Variants in SHROOM4 observed in about 807,000 individuals in gnomAD.
The protein encoded by SHROOM4 is protein Shroom4.
In SHROOM4, 17 loss-of-function variants were observed where a neutral mutation model predicts 80.3. That is an observed-to-expected ratio of 0.21 (90% CI 0.14 to 0.32). The LOEUF (loss-of-function observed/expected upper bound fraction) is 0.32. Ranked by LOEUF, SHROOM4 falls within the 10% of genes least tolerant of loss-of-function variation. The pLI, the probability that SHROOM4 is intolerant of heterozygous loss-of-function variation, is 1.00. For synonymous variants in SHROOM4, 400 were observed against 437.5 expected (o/e 0.91, Z 1.07); for missense variants, 993 against 1,140.3 (o/e 0.87, Z 1.86).
At chrX:50,812,196 T>C (rs1282578437) in intron 1 of SHROOM4, among the ~76,000 whole-genome samples, 1 of 107,060 alleles carries the variant, frequency 9.3e-6, no homozygotes, top group Non-Finnish European at 1.9e-5. Flanking sequence ...AACTGCCAGA[T>C]CATGGAGGGC....
chrX:50,608,935 G>A (rs1376335784), intron 5 of SHROOM4, among the ~76,000 whole-genome samples: 1 of 111,450 alleles, frequency 9.0e-6, no homozygotes, highest in Admixed American at 9.5e-5. Context: ...CACCACACAG[G>A]TCATTCATAG....
At chrX:50,703,157 A>G (rs782136796) in intron 1 of SHROOM4, among the ~76,000 whole-genome samples, 1 of 111,877 alleles carries the variant, frequency 8.9e-6, no homozygotes, top group African/African-American at 3.3e-5. Flanking sequence ...AAAAATGAAA[A>G]TAAAGAACAA....
chrX:50,723,393 G>GAGAGA (rs1569548121), intron 1 of SHROOM4, among the ~76,000 whole-genome samples: 2 of 54,481 alleles, frequency 3.7e-5, no homozygotes, highest in African/African-American at 1.3e-4. Flanking sequence ...AGCAAGGGAG[G>GAGAGA]GAGAGAGAGA....
intron 5 of SHROOM4, among the ~76,000 whole-genome samples, chrX:50,626,874 C>T (rs1257056040): frequency 1.8e-5 from 2 of 111,697 alleles, no homozygotes; most frequent in African/African-American, 3.3e-5. Flanking sequence ...TTCTTTTGCT[C>T]GTATTTCTCA....
At chrX:50,669,318 C>A (rs1932766896) in intron 2 of SHROOM4, among the ~76,000 whole-genome samples, 1 of 111,991 alleles carries the variant, frequency 8.9e-6, no homozygotes, top group African/African-American at 3.2e-5. Context: ...TCTCTCCTCT[C>A]TTCTCTTTCA....
At chrX:50,674,941 G>A (rs782084680) in intron 2 of SHROOM4, among the ~76,000 whole-genome samples, 4 of 112,017 alleles carry the variant, frequency 3.6e-5, no homozygotes, top group Non-Finnish European at 7.5e-5. Context: ...CTGTAGGGAT[G>A]AGGAACAGTT....
At chrX:50,731,858 TA>T (rs1390202858) in intron 1 of SHROOM4, among the ~76,000 whole-genome samples, 8 of 111,064 alleles carry the variant, frequency 7.2e-5, no homozygotes, top group African/African-American at 3.3e-5. Context: ...AAAAACACTC[TA>T]AAAAAAATTG....
chrX:50,704,435 A>G (rs1324146688), intron 1 of SHROOM4, among the ~76,000 whole-genome samples: 1 of 111,768 alleles, frequency 8.9e-6, no homozygotes, highest in Non-Finnish European at 1.9e-5. Context: ...TAACTTGCCT[A>G]CTGAATGTGA....
chrX:50,646,527 AGTGTGTGTGTGTGTGTGTGT>A (rs782016561), intron 2 of SHROOM4, among the ~76,000 whole-genome samples: 6 of 78,777 alleles, frequency 7.6e-5, no homozygotes, highest in Admixed American at 4.4e-4. Flanking sequence ...AGGGGGGAAG[AGTGTGTGTGTGTGTGTGTGT>A]GTGTGTGTGT....
intron 2 of SHROOM4, 32 bp downstream of exon 2, chrX:50,695,754 T>C: frequency 8.3e-7 from 1 of 1,208,209 alleles, no homozygotes. Context: ...CAGTGGCCTC[T>C]GCACCTTACG....
chrX:50,608,016 C>T lies in SHROOM4; in HGVS notation c.3126G>A (p.Glu1042=). Residue 1042 remains glutamate, a synonymous_variant, in exon 6 of 9, where the codon GAG becomes GAA. Coordinates refer to ENST00000376020, the MANE Select transcript of SHROOM4 (RefSeq NM_020717.5). The part of the protein sequence containing the change: ...KKSEETSVYE[E]GSSLASMPHP... Reference sequence around the variant, plus strand: ...GGGGCATGGAGGCAAGGGAGCTCCCCTCCTCATAAACTGAAGTTTCCTCTG... The same window carrying T: ...GGGGCATGGAGGCAAGGGAGCTCCCTTCCTCATAAACTGAAGTTTCCTCTG... 5.0e-6 allele frequency: 6 copies of T among 1,211,904 alleles called. No homozygotes were observed. Among genetic ancestry groups the T allele is most frequent in the Non-Finnish European group, 6.7e-6 (6 of 895,553 alleles).
chrX:50,591,671 TTC>T lies in SHROOM4; in HGVS notation c.*5022_*5023del. ...TGATGCTATTGTAAATGGAACTGTT[TTC>T]TTTCTTTCTTTCTTTCTTTCTTTTC... is the stretch of plus-strand genomic sequence containing the variant. On this transcript the variant is annotated 3_prime_UTR_variant, in exon 9 of 9. Coordinates refer to ENST00000376020, the MANE Select transcript of SHROOM4 (RefSeq NM_020717.5). 1 of 274,391 alleles carries T rather than the reference TTC, an allele frequency of 3.6e-6. No homozygotes were observed. Among genetic ancestry groups the T allele is most frequent in the Non-Finnish European group, 6.5e-6 (1 of 154,604 alleles). The allele number at this position is 274,391 out of a possible 1,213,427, so 22.6% of individuals were successfully genotyped here. A position where few individuals can be genotyped will look rare whatever the true frequency, so the allele number is the denominator to read the frequency against.
chrX:50,627,736 C>CA, intron 4 of SHROOM4, 61 bp from the exon 5 acceptor site: 4 of 987,840 alleles, frequency 4.0e-6, no homozygotes, highest in Non-Finnish European at 5.8e-6. Flanking sequence ...TAGATGGCCT[C>CA]AAAAATGTGA....
At chrX:50,627,751 G>T in intron 4 of SHROOM4, 76 bp from the exon 5 acceptor site, 2 of 855,016 alleles carry the variant, frequency 2.3e-6, no homozygotes, top group African/African-American at 2.0e-5. Flanking sequence ...ATGTGAAGAG[G>T]TCAGGAGCCG....
chrX:50,716,772 C>A (rs781824720), intron 1 of SHROOM4, among the ~76,000 whole-genome samples: 1 of 111,908 alleles, frequency 8.9e-6, no homozygotes, highest in East Asian at 2.8e-4. Flanking sequence ...ACTTTGACAC[C>A]TATATGGTTT....
At position 50,596,500 on chromosome X, in the gene SHROOM4, G is replaced by A. The variant is rs1557246644; in HGVS notation, c.*195C>T. 1 of 564,321 alleles carries A rather than the reference G, an allele frequency of 1.8e-6. No homozygotes were observed. The highest frequency in any genetic ancestry group is 2.2e-5 in the African/African-American group (1 of 44,916). The allele number at this position is 564,321 out of a possible 1,213,427, so 46.5% of individuals were successfully genotyped here. On this transcript the variant is annotated 3_prime_UTR_variant, in exon 9 of 9. Coordinates refer to ENST00000376020, the MANE Select transcript of SHROOM4 (RefSeq NM_020717.5). ...CACCTTGCTGCAGCTCCCTTGGGTA[G>A]AAGCTTGTGGCTTCCCCAGGGTCTC...
At chrX:50,763,245 T>C (rs1468131539) in intron 1 of SHROOM4, among the ~76,000 whole-genome samples, 2 of 111,890 alleles carry the variant, frequency 1.8e-5, no homozygotes, top group Non-Finnish European at 3.8e-5. Context: ...ATTTTTCTTC[T>C]ATAATTTCTC....
At chrX:50,578,287 T>A in the SHROOM4 span, among the ~76,000 whole-genome samples, 1 of 111,893 alleles carries the variant, frequency 8.9e-6, no homozygotes, top group Admixed American at 9.4e-5. Flanking sequence ...TTCAGCCATT[T>A]TTAAATTAAT....
chrX:50,754,766 T>A (rs1461015257), intron 1 of SHROOM4, among the ~76,000 whole-genome samples: 2 of 111,994 alleles, frequency 1.8e-5, no homozygotes, highest in Non-Finnish European at 3.8e-5. Flanking sequence ...ACAAGTGACG[T>A]GCCAAACCCT....
Sources: gnomAD v4.1 joint callset for allele counts (sites outside exome capture counted in the v4.1 genomes callset) on GRCh38, gnomAD v4.1.1 for gene constraint, MANE v1.5 for transcripts, NCBI Gene and HGNC (gene_info 2026-07-23, HGNC 2026-07-21) for gene names.